Variants in ANTXR1 observed in about 807,000 individuals in gnomAD.
ANTXR1 encodes ANTXR cell adhesion molecule 1, also known as anthrax toxin receptor 1.
In ANTXR1, 19 loss-of-function variants were observed where a neutral mutation model predicts 78.1. That is an observed-to-expected ratio of 0.24 (90% CI 0.17 to 0.36). ANTXR1 has a LOEUF of 0.36. Among genes scored for constraint, ANTXR1 ranks in the 10% least tolerant of loss-of-function variants. The pLI, the probability that ANTXR1 is intolerant of heterozygous loss-of-function variation, is 1.00. For missense variants in ANTXR1, 518 were observed against 718.6 expected, an observed-to-expected ratio of 0.72 and a Z score of 3.19; for synonymous variants, 273 against 260.5, an observed-to-expected ratio of 1.05 and a Z score of -0.46.
At chr2:69,063,170 C>G (rs1462311088) in intron 3 of ANTXR1, among the ~76,000 whole-genome samples, 2 of 151,850 alleles carry the variant, frequency 1.3e-5, no homozygotes, top group Non-Finnish European at 2.9e-5. Context: ...ACGTGATCCA[C>G]ACACAGATCC....
Position 69,182,557 on chromosome 2 carries a change from G to A in ANTXR1, c.1250G>A (p.Arg417Lys), listed in dbSNP as rs1474311849. 4 of 1,614,212 alleles carry A rather than the reference G, an allele frequency of 2.5e-6. No individual in the cohort carries two copies. The highest frequency in any genetic ancestry group is 1.7e-5 in the Admixed American group (1 of 60,022). The change falls in exon 16 of 18, where the codon AGA becomes AAA. Residue 417 changes from arginine to lysine, a missense_variant. Physicochemically the swap from Arg to Lys is conservative, Grantham distance 26. Coordinates refer to ENST00000303714, the MANE Select transcript of ANTXR1 (RefSeq NM_032208.3). ...GAKLEKAKNARVKMPEQEYEF... is the reference protein window; with the variant it reads ...GAKLEKAKNAKVKMPEQEYEF... ...AAGTTGGAAAAGGCAAAGAATGCAA[G>A]AGTCAAGATGCCGGAGCAGGAATAT...
chr2:69,155,859 C>T (rs1281245103), intron 13 of ANTXR1, among the ~76,000 whole-genome samples: 3 of 152,296 alleles, frequency 2.0e-5, no homozygotes, highest in South Asian at 2.1e-4. Context: ...TAGCAAGACA[C>T]TGGAGGATTC....
rs866387588 is a variant in ANTXR1, at chr2:69,196,526, G to C, written c.1434+3111G>C. Among the ~76,000 whole-genome samples, 128 of 152,276 alleles carry C rather than the reference G, an allele frequency of 8.4e-4. 1 individual carries two copies. The highest frequency in any genetic ancestry group is 3.0e-3 in the African/African-American group (126 of 41,542). On this transcript the variant is annotated intron_variant, in intron 17 of 17. Transcript: ENST00000303714. Reference sequence around the variant, plus strand: ...AAAGAATTCCAGGCGAGGCAGGGGGGGCAATATTGTAGCTCTGTCTATATG... The same window carrying C: ...AAAGAATTCCAGGCGAGGCAGGGGGCGCAATATTGTAGCTCTGTCTATATG...
intron 14 of ANTXR1, among the ~76,000 whole-genome samples, chr2:69,178,572 G>C (rs138982768): frequency 5.1e-5 from 7 of 138,400 alleles, no homozygotes; most frequent in South Asian, 2.1e-4. Context: ...GAGGGGCCAG[G>C]GGCAAGAGGG....
intron 14 of ANTXR1, among the ~76,000 whole-genome samples, chr2:69,180,182 C>T: frequency 6.6e-6 from 1 of 152,248 alleles, no homozygotes; most frequent in East Asian, 1.9e-4. Flanking sequence ...CCTCTCCTGC[C>T]TTTGCTTTTT....
intron 13 of ANTXR1, among the ~76,000 whole-genome samples, chr2:69,163,561 T>C (rs2104443916): frequency 6.6e-6 from 1 of 152,326 alleles, no homozygotes; most frequent in African/African-American, 2.4e-5. Flanking sequence ...CTTATATCTT[T>C]ACAAACATCT....
intron 14 of ANTXR1, 49 bp downstream of exon 14, chr2:69,170,338 G>C: frequency 1.9e-6 from 3 of 1,610,006 alleles, no homozygotes. Flanking sequence ...TGGCAGAGTA[G>C]GGTGGAGAGC....
intron 16 of ANTXR1, among the ~76,000 whole-genome samples, chr2:69,184,558 A>G (rs2104466091): frequency 6.6e-6 from 1 of 152,346 alleles, no homozygotes. Context: ...CTTTGGTTAC[A>G]GCCAGGTTTT....
At chr2:69,043,898 A>G (rs1376726943) in intron 2 of ANTXR1, among the ~76,000 whole-genome samples, 1 of 152,188 alleles carries the variant, frequency 6.6e-6, no homozygotes, top group Non-Finnish European at 1.5e-5. Flanking sequence ...TGGAACTACA[A>G]GGTTCAGAGC....
At chr2:69,208,682 C>T (rs749812525) in intron 17 of ANTXR1, among the ~76,000 whole-genome samples, 2 of 152,206 alleles carry the variant, frequency 1.3e-5, no homozygotes, top group African/African-American at 2.4e-5. Flanking sequence ...GTCTGGAAGA[C>T]ACTTGTGAGA....
rs1468067247 is a variant in ANTXR1 at position 69,170,272 on chromosome 2, C to T, written c.1072C>T (p.Pro358Ser). The T allele has an allele frequency of 9.9e-6, 16 of 1,614,144 alleles. No individual in the cohort carries two copies. Among genetic ancestry groups the T allele is most frequent in the Non-Finnish European group, 1.3e-5 (15 of 1,180,026 alleles). Residue 358 changes from proline to serine, a missense_variant, in exon 14 of 18, where the codon CCT becomes TCT. Pro to Ser is a moderately conservative substitution (Grantham distance 74). Around this residue, in one of 5 missense-constraint regions of ANTXR1, gnomAD observed 264 missense variants for 391.8 expected, o/e 0.67. Coordinates refer to ENST00000303714, the MANE Select transcript of ANTXR1 (RefSeq NM_032208.3). ...TVIIKEVPPP[P>S]AEESEEEDDD... ...GATTATCAAGGAGGTCCCTCCACCCCCTGCCGAGGAGAGTGAGGTAAGTGA... is the reference window on the plus strand; with the variant it reads ...GATTATCAAGGAGGTCCCTCCACCCTCTGCCGAGGAGAGTGAGGTAAGTGA...
At chr2:69,230,181 T>G (rs137858332) in intron 17 of ANTXR1, among the ~76,000 whole-genome samples, 1 of 152,242 alleles carries the variant, frequency 6.6e-6, no homozygotes, top group East Asian at 1.9e-4. Context: ...TTGTCTTTAT[T>G]TTTTGAAATT....
chr2:69,169,183 A>G (rs1191556568), intron 13 of ANTXR1, among the ~76,000 whole-genome samples: 3 of 152,264 alleles, frequency 2.0e-5, no homozygotes, highest in African/African-American at 4.8e-5. Context: ...CTGGAGGAAG[A>G]AAAAATGGGT....
intron 13 of ANTXR1, among the ~76,000 whole-genome samples, chr2:69,163,950 A>G: frequency 6.6e-6 from 1 of 152,252 alleles, no homozygotes; most frequent in East Asian, 1.9e-4. Context: ...CCTTGCAAAA[A>G]TCATATTTTG....
intron 1 of ANTXR1, among the ~76,000 whole-genome samples, chr2:69,027,814 CA>C (rs551034885): frequency 0.18 from 17,955 of 100,288 alleles, 2,889 homozygotes; most frequent in African/African-American, 0.45. Flanking sequence ...TTTTCAGTAG[CA>C]AAAAAAAAAA....
chr2:69,095,606 G>C (rs1671374777), intron 9 of ANTXR1, among the ~76,000 whole-genome samples: 1 of 152,196 alleles, frequency 6.6e-6, no homozygotes, highest in South Asian at 2.1e-4. Context: ...AGCTCCAGGA[G>C]ACCACCATGG....
chr2:69,219,696 T>C (rs1675270747), intron 17 of ANTXR1, among the ~76,000 whole-genome samples: 1 of 152,166 alleles, frequency 6.6e-6, no homozygotes, highest in African/African-American at 2.4e-5. Context: ...AAATGACAAA[T>C]TCTCTTGGTA....
chr2:69,105,826 A>G (rs890507784), intron 10 of ANTXR1, among the ~76,000 whole-genome samples: 1 of 152,200 alleles, frequency 6.6e-6, no homozygotes, highest in Admixed American at 6.5e-5. Context: ...AATGAGAAAG[A>G]CTTAATTGAA....
chr2:69,165,932 T>C (rs1362339310), intron 13 of ANTXR1, among the ~76,000 whole-genome samples: 2 of 152,244 alleles, frequency 1.3e-5, no homozygotes, highest in African/African-American at 4.8e-5. Context: ...TATAAAGCCA[T>C]TTATAAAAAA....
Sources: allele counts gnomAD v4.1 joint callset (sites outside exome capture counted in the v4.1 genomes callset), GRCh38; gene constraint gnomAD v4.1.1; regional missense constraint gnomAD v4.1.1; transcripts MANE v1.5; gene names NCBI Gene and HGNC (gene_info 2026-07-23, HGNC 2026-07-21).